The following MTHFD1L variants were observed in gnomAD, a reference collection of about 807,000 sequenced individuals.
The protein encoded by MTHFD1L is monofunctional C1-tetrahydrofolate synthase, mitochondrial.
A neutral mutation model predicts 119.5 loss-of-function variants in MTHFD1L; 81 were observed. The ratio of observed to expected loss-of-function variants is 0.68; its 90% CI spans 0.57 to 0.82. MTHFD1L has a LOEUF of 0.82. Among genes scored for constraint, MTHFD1L ranks in the 40% least tolerant of loss-of-function variants. The probability of loss-of-function intolerance (pLI) is 0.00; values close to 1 mark genes in which losing one functional copy is unlikely to be tolerated. For synonymous variants in MTHFD1L, 430 were observed against 475.2 expected, an observed-to-expected ratio of 0.90 and a Z score of 1.24; for missense variants, 1,125 against 1,253.4, an observed-to-expected ratio of 0.90 and a Z score of 1.55.
chr6:151,022,484 G>A (rs1037978259), intron 24 of MTHFD1L: 1 of 157,072 alleles, frequency 6.4e-6, no homozygotes, highest in African/African-American at 2.4e-5. Flanking sequence ...CATTCACATT[G>A]TACATACAGG....
chr6:150,922,891 A>G (rs528460479), intron 10 of MTHFD1L, among the ~76,000 whole-genome samples: 1 of 152,156 alleles, frequency 6.6e-6, no homozygotes, highest in Non-Finnish European at 1.5e-5. Flanking sequence ...TGATCTGCCC[A>G]CCTTGGCCTC....
At chr6:150,997,584 T>C (rs1374810637) in intron 20 of MTHFD1L, among the ~76,000 whole-genome samples, 1 of 151,834 alleles carries the variant, frequency 6.6e-6, no homozygotes, top group Non-Finnish European at 1.5e-5. Flanking sequence ...AGCCCAGGAG[T>C]TCGAGACCAG....
intron 4 of MTHFD1L, among the ~76,000 whole-genome samples, chr6:150,879,953 G>T (rs1458801701): frequency 3.3e-5 from 5 of 152,116 alleles, no homozygotes; most frequent in African/African-American, 1.2e-4. Context: ...AATAGCCCTT[G>T]ATTTTCGTCG....
At chr6:150,912,883 G>T (rs1247610334) in intron 8 of MTHFD1L, 1 of 169,680 alleles carries the variant, frequency 5.9e-6, no homozygotes, top group Non-Finnish European at 1.3e-5. Context: ...ACACGGGCAG[G>T]GGGTGAAATA....
At chr6:151,023,741 C>T (rs544497007) in intron 24 of MTHFD1L, among the ~76,000 whole-genome samples, 7 of 152,176 alleles carry the variant, frequency 4.6e-5, no homozygotes, top group Non-Finnish European at 1.0e-4. Context: ...ATGATTGTCA[C>T]TATGATGTAA....
At chr6:150,958,429 G>A (rs1404911881) in intron 17 of MTHFD1L, among the ~76,000 whole-genome samples, 1 of 152,104 alleles carries the variant, frequency 6.6e-6, no homozygotes, top group Non-Finnish European at 1.5e-5. Context: ...ACTATCCTTA[G>A]GATATTATTC....
intron 19 of MTHFD1L, 55 bp from the exon 20 acceptor site, chr6:150,971,892 T>C (rs1309724349): frequency 1.3e-6 from 2 of 1,507,330 alleles, no homozygotes; most frequent in East Asian, 4.5e-5. Flanking sequence ...TTGATCTTGG[T>C]TTCCATGCTT....
intron 7 of MTHFD1L, among the ~76,000 whole-genome samples, chr6:150,896,696 A>G (rs1421532423): frequency 2.6e-5 from 4 of 152,210 alleles, no homozygotes; most frequent in African/African-American, 9.6e-5. Flanking sequence ...AAGAAAGTGA[A>G]TAGAACTTTT....
Position 150,926,264 on chromosome 6 carries a change from C to T in MTHFD1L, c.1225C>T (p.Gln409Ter), listed in dbSNP as rs1377476281. ...GTCCGTGCTAGAAAGGTTAAAGGAT[C>T]AAGCAGATGGAAAATACGTCTTAGT... The part of the protein sequence containing the change: ...RLSVLERLKD[Q>*]ADGKYVLVAG... The change falls in exon 11 of 28, where the codon CAA becomes TAA. Residue 409 changes from glutamine (Q) to a stop codon, truncating the protein, a stop_gained. Coordinates refer to ENST00000367321, the MANE Select transcript of MTHFD1L (RefSeq NM_015440.5). LOFTEE classifies it high-confidence loss of function. This position sits in a 1 kb window ranked among gnomAD's most constrained non-coding sequence, Gnocchi z 4.3. The T allele has an allele frequency of 2.5e-6, 4 of 1,613,218 alleles. No individual in the cohort carries two copies. The highest frequency in any genetic ancestry group is 1.3e-5 in the African/African-American group (1 of 75,024).
intron 20 of MTHFD1L, among the ~76,000 whole-genome samples, chr6:151,005,815 T>C (rs540452799): frequency 2.4e-4 from 37 of 152,260 alleles, no homozygotes; most frequent in Admixed American, 2.2e-3. Context: ...GAAATTAAGC[T>C]TAGCTAGCCT....
intron 1 of MTHFD1L, among the ~76,000 whole-genome samples, chr6:150,869,493 A>G (rs1295759803): frequency 6.6e-6 from 1 of 152,122 alleles, no homozygotes; most frequent in Non-Finnish European, 1.5e-5. Context: ...ATGTCCCTGC[A>G]GAGGACATGA....
At chr6:150,885,603 A>T (rs777464746) in intron 5 of MTHFD1L, 31 bp from the exon 6 acceptor site, 1 of 1,580,274 alleles carries the variant, frequency 6.3e-7, no homozygotes. Context: ...CTGGGCTTTG[A>T]CTTAACCTAC....
At chr6:150,935,896 A>G (rs180756773) in intron 11 of MTHFD1L, among the ~76,000 whole-genome samples, 1 of 151,832 alleles carries the variant, frequency 6.6e-6, no homozygotes, top group Non-Finnish European at 1.5e-5. Flanking sequence ...GAAAAAAAAA[A>G]TTTTTAACAA....
At chr6:150,994,078 A>AAGGAAGGAAGGAAGGAAGGAAGGAAGG (rs1252305117) in intron 20 of MTHFD1L, among the ~76,000 whole-genome samples, 2 of 118,100 alleles carry the variant, frequency 1.7e-5, no homozygotes, top group African/African-American at 1.0e-4. Context: ...AAAAAAAAAA[A>AAGGAAGGAAGGAAGGAAGGAAGGAAGG]AAGAAAGAAA....
At chr6:151,059,870 G>A (rs557981208) in intron 26 of MTHFD1L, among the ~76,000 whole-genome samples, 1 of 152,174 alleles carries the variant, frequency 6.6e-6, no homozygotes, top group Non-Finnish European at 1.5e-5. Context: ...ATTTACGAGC[G>A]AGTTGATGCT....
chr6:151,079,707 T>G (rs576431573), intron 26 of MTHFD1L, among the ~76,000 whole-genome samples: 2 of 151,690 alleles, frequency 1.3e-5, no homozygotes, highest in African/African-American at 4.8e-5. Context: ...CACGCTGGTC[T>G]CAAACTCCCG....
chr6:150,884,259 A>G (rs2128763678), intron 5 of MTHFD1L, among the ~76,000 whole-genome samples: 1 of 150,100 alleles, frequency 6.7e-6, no homozygotes, highest in East Asian at 2.0e-4. Context: ...CTCCTGCCTC[A>G]GCCTCCCGAG....
At chr6:150,882,675 T>C (rs1781565921) in intron 4 of MTHFD1L, 87 bp from the exon 5 acceptor site, 2 of 996,254 alleles carry the variant, frequency 2.0e-6, no homozygotes, top group Admixed American at 4.0e-5. Context: ...TGCATTTTCA[T>C]GAATCCACTT....
chr6:150,956,552 G>A (rs1795671115), intron 17 of MTHFD1L, among the ~76,000 whole-genome samples: 1 of 152,160 alleles, frequency 6.6e-6, no homozygotes, highest in Non-Finnish European at 1.5e-5. Flanking sequence ...TACAGAGAAT[G>A]CAGAAGAAAA....
Sources: allele counts gnomAD v4.1 joint callset (sites outside exome capture counted in the v4.1 genomes callset), GRCh38; gene constraint gnomAD v4.1.1; non-coding constraint Gnocchi (gnomAD v3.1); transcripts MANE v1.5; gene names NCBI Gene and HGNC (gene_info 2026-07-23, HGNC 2026-07-21).